AGK: variants seen among roughly 807,000 people sequenced by gnomAD.
AGK encodes acylglycerol kinase, mitochondrial.
AGK carries 52 observed loss-of-function variants against 66.4 expected under a neutral mutation model. That is an observed-to-expected ratio of 0.78 (90% CI 0.63 to 0.99). The LOEUF (loss-of-function observed/expected upper bound fraction) is 0.99. AGK is among the 50% of genes least tolerant of loss of function. AGK has a pLI of 0.00. For missense variants in AGK, 451 were observed against 506.6 expected, an observed-to-expected ratio of 0.89 and a Z score of 1.05; for synonymous variants, 182 against 181.1, an observed-to-expected ratio of 1.00 and a Z score of -0.04.
intron 9 of AGK, among the ~76,000 whole-genome samples, chr7:141,629,261 G>A (rs1316846266): frequency 2.6e-5 from 4 of 151,890 alleles, no homozygotes; most frequent in African/African-American, 7.3e-5. Context: ...CAACCTGCTC[G>A]CTCCATTATT....
chr7:141,624,195 C>T lies in AGK; in HGVS notation c.588+2394C>T, dbSNP rs192126189. On this transcript the variant is annotated intron_variant, in intron 9 of 15. Transcript: ENST00000649286. ...TTGCTAACAGACATTCATCCTGCATCCCATGGATCAAGGAATAATTTCAAC... is the reference window on the plus strand; with the variant it reads ...TTGCTAACAGACATTCATCCTGCATTCCATGGATCAAGGAATAATTTCAAC... Among the ~76,000 whole-genome samples, 896 of 152,040 alleles carry T rather than the reference C, an allele frequency of 5.9e-3. 2 individuals are homozygous for T. The highest frequency in any genetic ancestry group is 0.031 in the Middle Eastern group (9 of 294).
intron 2 of AGK, among the ~76,000 whole-genome samples, chr7:141,570,719 G>A (rs1385607133): frequency 3.4e-5 from 5 of 148,534 alleles, no homozygotes; most frequent in Non-Finnish European, 7.4e-5. Context: ...TACTCCAATA[G>A]GAAGGGACCT....
chr7:141,586,219 G>C (rs1795992287), intron 2 of AGK, among the ~76,000 whole-genome samples: 1 of 152,072 alleles, frequency 6.6e-6, no homozygotes, highest in African/African-American at 2.4e-5. Flanking sequence ...ACACACCCTG[G>C]GAGCTTCTTG....
intron 4 of AGK, chr7:141,599,142 T>C (rs1796288693): frequency 6.6e-6 from 1 of 152,192 alleles, no homozygotes; most frequent in Admixed American, 6.5e-5. Context: ...AAGCTTTCAC[T>C]ATTTAATTGC....
intron 13 of AGK, 75 bp downstream of exon 13, chr7:141,641,983 A>G: frequency 8.1e-7 from 1 of 1,233,678 alleles, no homozygotes; most frequent in South Asian, 1.3e-5. Context: ...TCTCCCACTA[A>G]TTCAGTTATT....
intron 8 of AGK, 133 bp from the exon 9 acceptor site, chr7:141,621,595 GGAGA>G (rs150053901): frequency 1.6e-5 from 10 of 637,868 alleles, no homozygotes; most frequent in South Asian, 3.8e-5. Context: ...GGAAGGAGGG[GGAGA>G]GAGAGAGAGG....
chr7:141,646,018 G>A, intron 13 of AGK, among the ~76,000 whole-genome samples: 1 of 152,096 alleles, frequency 6.6e-6, no homozygotes, highest in East Asian at 1.9e-4. Flanking sequence ...AACACAGTGA[G>A]CCTGATGCTT....
chr7:141,637,088 A>T (rs933025782), intron 11 of AGK, 71 bp downstream of exon 11: 4 of 1,270,504 alleles, frequency 3.1e-6, no homozygotes, highest in African/African-American at 3.0e-5. Context: ...TATATTTGGT[A>T]TTTTTTTTTA....
chr7:141,640,627 G>A (rs960062639), intron 11 of AGK, among the ~76,000 whole-genome samples: 1 of 152,176 alleles, frequency 6.6e-6, no homozygotes, highest in Admixed American at 6.5e-5. Flanking sequence ...CCATGGAAAT[G>A]GGTGGATGTG....
intron 8 of AGK, among the ~76,000 whole-genome samples, chr7:141,620,708 C>T (rs1796805558): frequency 6.6e-6 from 1 of 152,178 alleles, no homozygotes; most frequent in South Asian, 2.1e-4. Flanking sequence ...AGGAGTCCCC[C>T]ACAATATTGT....
At chr7:141,572,804 G>T (rs761245669) in intron 2 of AGK, among the ~76,000 whole-genome samples, 5 of 138,470 alleles carry the variant, frequency 3.6e-5, no homozygotes, top group East Asian at 2.1e-4. Flanking sequence ...GACAGGCTAT[G>T]GGGGGGGGAA....
intron 5 of AGK, among the ~76,000 whole-genome samples, chr7:141,608,377 G>C (rs2116948075): frequency 6.6e-6 from 1 of 152,270 alleles, no homozygotes; most frequent in South Asian, 2.1e-4. Flanking sequence ...GCTTGAGGAA[G>C]AAGTATCACA....
At chr7:141,632,145 C>A (rs1430433002) in intron 9 of AGK, among the ~76,000 whole-genome samples, 1 of 151,676 alleles carries the variant, frequency 6.6e-6, no homozygotes, top group African/African-American at 2.4e-5. Flanking sequence ...GCAGGAGAAT[C>A]ACTTGAACCT....
chr7:141,587,830 A>T (rs1796025302), intron 2 of AGK, among the ~76,000 whole-genome samples: 1 of 152,194 alleles, frequency 6.6e-6, no homozygotes. Context: ...TAGGACAGGG[A>T]ATGTTGGGCT....
At chr7:141,585,114 C>T (rs1226187847) in intron 2 of AGK, among the ~76,000 whole-genome samples, 1 of 152,126 alleles carries the variant, frequency 6.6e-6, no homozygotes, top group Non-Finnish European at 1.5e-5. Context: ...TTCATTGTTC[C>T]CTTGGCTTTC....
At chr7:141,621,642 G>A in intron 8 of AGK, 90 bp from the exon 9 acceptor site, 1 of 822,282 alleles carries the variant, frequency 1.2e-6, no homozygotes, top group Non-Finnish European at 2.1e-6. Flanking sequence ...ATATGTGTGT[G>A]TGTGTGTTTG....
At chr7:141,577,669 C>T (rs942854616) in intron 2 of AGK, among the ~76,000 whole-genome samples, 1 of 152,068 alleles carries the variant, frequency 6.6e-6, no homozygotes, top group East Asian at 1.9e-4. Context: ...CTCCCTGCTG[C>T]AAAAGGCAGG....
chr7:141,598,450 G>A lies in AGK; in HGVS notation c.221+1809G>A, dbSNP rs1796273599. On this transcript the variant is annotated intron_variant, in intron 4 of 15. Transcript: ENST00000649286. This position sits in a 1 kb window ranked among gnomAD's most constrained non-coding sequence, Gnocchi z 4.2. ...GTTTGAGGAATCTGGTCTGTTTACT[G>A]TTTTGCCACTTACTAGCTCTATGAT... 6.6e-6 allele frequency among the ~76,000 whole-genome samples: 1 copy of A among 152,138 alleles called. No homozygotes were observed. The highest frequency in any genetic ancestry group is 2.1e-4 in the South Asian group (1 of 4,824).
intron 2 of AGK, among the ~76,000 whole-genome samples, chr7:141,589,196 TTC>T: frequency 6.6e-6 from 1 of 152,178 alleles, no homozygotes; most frequent in Non-Finnish European, 1.5e-5. Context: ...GTCACTTTCC[TTC>T]TCTGAGTCTT....
Sources: allele counts gnomAD v4.1 joint callset (sites outside exome capture counted in the v4.1 genomes callset), GRCh38; gene constraint gnomAD v4.1.1; non-coding constraint Gnocchi (gnomAD v3.1); transcripts MANE v1.5; gene names NCBI Gene and HGNC (gene_info 2026-07-23, HGNC 2026-07-21).